Variants in SMARCA4 observed in about 807,000 individuals in gnomAD.
The protein encoded by SMARCA4 is SWI/SNF related BAF chromatin remodeling complex subunit ATPase 4, also known as SWI/SNF-related matrix-associated actin-dependent regulator of chromatin subfamily A member 4.
In SMARCA4, 31 loss-of-function variants were observed where a neutral mutation model predicts 193.9. The observed-to-expected ratio is 0.16, with a 90% CI of 0.12 to 0.22. SMARCA4 has a LOEUF of 0.22. Ranked by LOEUF, SMARCA4 falls within the 10% of genes least tolerant of loss-of-function variation. The pLI is 1.00. For missense variants in SMARCA4, 1,148 were observed against 2,296.0 expected (o/e 0.50, Z 10.22); for synonymous variants, 942 against 933.1 (o/e 1.01, Z -0.17).
In SMARCA4 at chr19:10,961,100, A is replaced by G. The variant is rs942228160; in HGVS notation, c.-106A>G. 6.8e-6 allele frequency: 1 copy of G among 147,972 alleles called. No individual in the cohort carries two copies. The allele number at this position is 147,972 out of a possible 1,614,324, so 9.2% of individuals were successfully genotyped here. A position where few individuals can be genotyped will look rare whatever the true frequency, so the allele number is the denominator to read the frequency against. The stretch of plus-strand genomic sequence containing the variant: ...TCTTTGTTTCGTGAAGAGAAGCGAG[A>G]CGCCCATTCTGCCCCCGGCCCCGCG... On this transcript the variant is annotated 5_prime_UTR_variant, in exon 1 of 35. Coordinates refer to ENST00000344626, the MANE Select transcript of SMARCA4 (RefSeq NM_003072.5).
Position 10,985,202 on chromosome 19 carries a change from G to A in SMARCA4, c.223-71G>A, listed in dbSNP as rs2145744625. 1 of 1,553,352 alleles carries A rather than the reference G, an allele frequency of 6.4e-7. No individual in the cohort carries two copies. The highest frequency in any genetic ancestry group is 8.9e-7 in the Non-Finnish European group (1 of 1,126,600). ...TCTCGGTGCCCTCGAGCTTCTCTCGGGCAGCGCATAGCTGCGCTGCCACCT... is the reference window on the plus strand; with the variant it reads ...TCTCGGTGCCCTCGAGCTTCTCTCGAGCAGCGCATAGCTGCGCTGCCACCT... On this transcript the variant is annotated intron_variant, in intron 2 of 34. Transcript: ENST00000344626. The surrounding 1 kb of genome is among the most constrained non-coding windows in gnomAD (Gnocchi z 4.5).
intron 34 of SMARCA4, 85 bp downstream of exon 34, chr19:11,060,272 G>C (rs1202197029): frequency 2.0e-6 from 3 of 1,480,008 alleles, no homozygotes; most frequent in Admixed American, 3.9e-5. Flanking sequence ...GTGGGGCGGT[G>C]CTCCCACGCC....
intron 34 of SMARCA4, among the ~76,000 whole-genome samples, chr19:11,061,189 A>T (rs111397563): frequency 0.34 from 22,378 of 65,400 alleles, 2,759 homozygotes; most frequent in African/African-American, 0.41. Flanking sequence ...CCCTGTCTTT[A>T]AAAAAAAAAA....
chr19:11,048,030 G>A (rs1030994456), intron 30 of SMARCA4, among the ~76,000 whole-genome samples: 3 of 152,072 alleles, frequency 2.0e-5, no homozygotes, highest in African/African-American at 4.8e-5. Context: ...CAGATCCCTG[G>A]AAGCTTCCTC....
intron 1 of SMARCA4, among the ~76,000 whole-genome samples, chr19:10,979,094 A>G (rs917518395): frequency 2.0e-5 from 3 of 152,198 alleles, no homozygotes; most frequent in Non-Finnish European, 4.4e-5. Flanking sequence ...TAAAAGTTGT[A>G]AGGACTGACA....
At position 11,033,535 on chromosome 19, in the gene SMARCA4, C is replaced by T; in HGVS notation, c.3774+18C>T. The stretch of plus-strand genomic sequence containing the variant: ...AGGATGAGGTGAGCCCAGCACCGGC[C>T]CCGACCCCTCCCCAGCGTGAATGGT... On this transcript the variant is annotated intron_variant, in intron 26 of 34. Coordinates refer to ENST00000344626, the MANE Select transcript of SMARCA4 (RefSeq NM_003072.5). The surrounding 1 kb of genome is among the most constrained non-coding windows in gnomAD (Gnocchi z 9.8). 6.3e-7 allele frequency: 1 copy of T among 1,584,862 alleles called. No homozygotes were observed. The highest frequency in any genetic ancestry group is 8.7e-7 in the Non-Finnish European group (1 of 1,154,380).
intron 30 of SMARCA4, among the ~76,000 whole-genome samples, chr19:11,044,513 A>G (rs944032126): frequency 1.3e-5 from 2 of 152,206 alleles, no homozygotes; most frequent in Admixed American, 1.3e-4. Flanking sequence ...CCCAGGACTA[A>G]TCAATGTGGG....
chr19:11,050,602 C>T (rs1486284330), intron 30 of SMARCA4, among the ~76,000 whole-genome samples: 1 of 152,262 alleles, frequency 6.6e-6, no homozygotes, highest in African/African-American at 2.4e-5. Context: ...GGCCTGTCTG[C>T]ACTGTTTCCC....
chr19:10,967,050 C>T (rs1268022941), intron 1 of SMARCA4, among the ~76,000 whole-genome samples: 2 of 152,192 alleles, frequency 1.3e-5, no homozygotes, highest in Non-Finnish European at 2.9e-5. Flanking sequence ...ATAGCGGACT[C>T]ATTAGTATGC....
At position 11,034,857 on chromosome 19, in the gene SMARCA4, A is replaced by G. The variant is rs1044345466; in HGVS notation, c.3952-57A>G. The G allele has an allele frequency of 4.4e-6, 5 of 1,141,436 alleles. No individual in the cohort carries two copies. The Admixed American group carries it at 7.9e-5, about 18-fold the overall frequency. 70.7% of individuals were successfully genotyped at this position (1,141,436 alleles called of 1,614,324 possible). On this transcript the variant is annotated intron_variant, in intron 28 of 34. Transcript: ENST00000344626. The surrounding 1 kb of genome is among the most constrained non-coding windows in gnomAD (Gnocchi z 7.0). ...TCTGAACTCTCGGTGTTCTGGCTCT[A>G]GCGTGCCCCTGGTGCCTGCATGCTG... is the stretch of plus-strand genomic sequence containing the variant.
intron 30 of SMARCA4, among the ~76,000 whole-genome samples, chr19:11,048,956 G>A (rs561425406): frequency 6.6e-5 from 10 of 152,120 alleles, no homozygotes; most frequent in East Asian, 5.8e-4. Context: ...TCACAGCCAC[G>A]GTCCTTTACA....
At chr19:10,982,763 C>G (rs1403491575) in intron 1 of SMARCA4, among the ~76,000 whole-genome samples, 1 of 152,108 alleles carries the variant, frequency 6.6e-6, no homozygotes, top group Non-Finnish European at 1.5e-5. Flanking sequence ...CTTGGCCTCC[C>G]AAAGTGCTGG....
chr19:11,008,337 G>A (rs1422260219), intron 14 of SMARCA4: 1 of 373,984 alleles, frequency 2.7e-6, no homozygotes, highest in African/African-American at 2.1e-5. Context: ...AAACTTTCCA[G>A]CCTTGTGTGT....
chr19:10,974,228 A>G (rs58762185), intron 1 of SMARCA4, among the ~76,000 whole-genome samples: 1,954 of 152,256 alleles, frequency 0.013, 43 homozygotes, highest in African/African-American at 0.044. Context: ...GACAAAAGCT[A>G]GGGGTGGCGT....
At position 10,986,816 on chromosome 19, in the gene SMARCA4, G is replaced by A; in HGVS notation, c.761-89G>A. Reference sequence around the variant, plus strand: ...GCTGGTTAATAGGTGTATCTGCTGTGTCCCCTGGAGCCAGGGCTGCCCACG... The same window carrying A: ...GCTGGTTAATAGGTGTATCTGCTGTATCCCCTGGAGCCAGGGCTGCCCACG... On this transcript the variant is annotated intron_variant, in intron 4 of 34. Transcript: ENST00000344626. This position sits in a 1 kb window ranked among gnomAD's most constrained non-coding sequence, Gnocchi z 6.7. 1 of 1,288,904 alleles carries A rather than the reference G, an allele frequency of 7.8e-7. No homozygotes were observed. The highest frequency in any genetic ancestry group is 1.7e-5 in the Admixed American group (1 of 59,230). 79.8% of individuals were successfully genotyped at this position (1,288,904 alleles called of 1,614,324 possible). A position where few individuals can be genotyped will look rare whatever the true frequency, so the allele number is the denominator to read the frequency against.
rs138989525 is a variant in SMARCA4 at position 11,049,433 on chromosome 19, G to C, written c.4424+7873G>C. On this transcript the variant is annotated intron_variant, in intron 30 of 34. Coordinates refer to ENST00000344626, the MANE Select transcript of SMARCA4 (RefSeq NM_003072.5). Reference sequence around the variant, plus strand: ...TTCTCTGTGGCTTCGGGTCAGGTTCGGGCTTGTGGGGCTGTACACTGCCAG... The same window carrying C: ...TTCTCTGTGGCTTCGGGTCAGGTTCCGGCTTGTGGGGCTGTACACTGCCAG... Among the ~76,000 whole-genome samples the C allele has an allele frequency of 6.6e-3, 1,001 of 152,062 alleles. 9 individuals carry two copies. Among genetic ancestry groups the C allele is most frequent in the African/African-American group, 0.022 (919 of 41,474 alleles).
In SMARCA4 at chr19:11,030,370, A is replaced by G. The variant is rs780167093; in HGVS notation, c.3383-360A>G. ...TCTTCCGCTCCCCATGGAATGGCAC[A>G]GGGTAGAGTAGAGGAGAGAATCCAG... On this transcript the variant is annotated intron_variant, in intron 24 of 34. Coordinates refer to ENST00000344626, the MANE Select transcript of SMARCA4 (RefSeq NM_003072.5). This position sits in a 1 kb window ranked among gnomAD's most constrained non-coding sequence, Gnocchi z 5.5. Among the ~76,000 whole-genome samples, 13 of 152,204 alleles carry G rather than the reference A, an allele frequency of 8.5e-5. No individual in the cohort carries two copies. The highest frequency in any genetic ancestry group is 1.9e-4 in the Non-Finnish European group (13 of 68,028).
intron 9 of SMARCA4, 171 bp from the exon 10 acceptor site, chr19:10,996,042 T>G (rs763570135): frequency 4.0e-6 from 3 of 755,838 alleles, no homozygotes; most frequent in Non-Finnish European, 7.1e-6. Flanking sequence ...CTTGGTGGGT[T>G]TTGAGGAAAT....
At chr19:10,979,666 AT>A (rs2085407355) in intron 1 of SMARCA4, among the ~76,000 whole-genome samples, 1 of 150,558 alleles carries the variant, frequency 6.6e-6, no homozygotes, top group Non-Finnish European at 1.5e-5. Flanking sequence ...TGCCCCCAAC[AT>A]TATATTATTT....
Sources: gnomAD v4.1 joint callset for allele counts (sites outside exome capture counted in the v4.1 genomes callset) on GRCh38, gnomAD v4.1.1 for gene constraint, Gnocchi (gnomAD v3.1) non-coding constraint, MANE v1.5 for transcripts, NCBI Gene and HGNC (gene_info 2026-07-23, HGNC 2026-07-21) for gene names.